BLM: variants seen among roughly 807,000 people sequenced by gnomAD.
BLM encodes the protein recQ-like DNA helicase BLM.
A neutral mutation model predicts 135.3 loss-of-function variants in BLM; 95 were observed. The observed-to-expected ratio is 0.70, with a 90% CI of 0.59 to 0.83. The LOEUF is 0.83. Among genes scored for constraint, BLM ranks in the 40% least tolerant of loss-of-function variants. BLM has a pLI of 0.00. For missense variants in BLM, 1,518 were observed against 1,663.9 expected (o/e 0.91, Z 1.53); for synonymous variants, 520 against 589.2 (o/e 0.88, Z 1.70).
At chr15:90,813,697 T>C (rs546010485) in intron 21 of BLM, among the ~76,000 whole-genome samples, 1 of 152,306 alleles carries the variant, frequency 6.6e-6, no homozygotes, top group Admixed American at 6.5e-5. Context: ...CAAGATGGGA[T>C]TCTTTTTTAA....
intron 12 of BLM, among the ~76,000 whole-genome samples, chr15:90,775,623 C>T (rs1414863514): frequency 6.6e-6 from 1 of 151,768 alleles, no homozygotes; most frequent in Non-Finnish European, 1.5e-5. Flanking sequence ...GTGATTCTCC[C>T]GCCTCAGCCT....
At chr15:90,787,036 CTTTTTTTTTTTTT>C (rs11366266) in intron 14 of BLM, among the ~76,000 whole-genome samples, 17 of 57,992 alleles carry the variant, frequency 2.9e-4, no homozygotes, top group Non-Finnish European at 4.2e-4. Flanking sequence ...TTAGGCATCT[CTTTTTTTTTTTTT>C]TTTTTTTTTT....
chr15:90,800,615 G>A (rs1406177483), intron 17 of BLM, among the ~76,000 whole-genome samples: 3 of 152,130 alleles, frequency 2.0e-5, no homozygotes, highest in Non-Finnish European at 4.4e-5. Flanking sequence ...GGGAGGCAGA[G>A]GTTGCAGTGA....
At chr15:90,746,198 G>A (rs62025112) in intron 1 of BLM, among the ~76,000 whole-genome samples, 4,287 of 152,328 alleles carry the variant, frequency 0.028, 94 homozygotes, top group South Asian at 0.05. Context: ...ACCTCAGGGT[G>A]TATGTATAGC....
At position 90,785,582 on chromosome 15, in the gene BLM, C is replaced by T. The variant is rs142027673; in HGVS notation, c.2823+501C>T. On this transcript the variant is annotated intron_variant, in intron 14 of 21. Transcript: ENST00000355112. ...TTCCGGAGACAGAGTCTCACTCTGT[C>T]GCCCAGACTACAGTGCAGTAGAGAG... 7.4e-3 allele frequency among the ~76,000 whole-genome samples: 1,100 copies of T among 149,108 alleles called. 15 individuals are homozygous for T. Among genetic ancestry groups the T allele is most frequent in the African/African-American group, 0.024 (976 of 40,414 alleles).
intron 1 of BLM, among the ~76,000 whole-genome samples, chr15:90,722,706 C>T (rs1323711724): frequency 6.6e-6 from 1 of 152,038 alleles, no homozygotes; most frequent in East Asian, 1.9e-4. Flanking sequence ...ATTGAAGACT[C>T]ATTATAAAAT....
chr15:90,767,047 A>C, intron 10 of BLM, 24 bp downstream of exon 10: 1 of 1,374,772 alleles, frequency 7.3e-7, no homozygotes. Flanking sequence ...TCATTATTTT[A>C]AAATATATTA....
intron 12 of BLM, among the ~76,000 whole-genome samples, chr15:90,779,097 G>A (rs1896555049): frequency 6.6e-6 from 1 of 152,024 alleles, no homozygotes; most frequent in African/African-American, 2.4e-5. Flanking sequence ...ATATTGGCCA[G>A]GCTGGTCTTG....
chr15:90,726,642 A>AT (rs1894925907), intron 1 of BLM, among the ~76,000 whole-genome samples: 1 of 152,158 alleles, frequency 6.6e-6, no homozygotes, highest in African/African-American at 2.4e-5. Context: ...TTTTACTTCT[A>AT]TGAGAGCAAC....
chr15:90,761,321 G>A, intron 7 of BLM, 66 bp downstream of exon 7: 1 of 1,195,214 alleles, frequency 8.4e-7, no homozygotes. Flanking sequence ...AATTATATAA[G>A]AAAAACCATA....
At chr15:90,748,117 T>C (rs1386856425) in intron 2 of BLM, among the ~76,000 whole-genome samples, 1 of 151,472 alleles carries the variant, frequency 6.6e-6, no homozygotes, top group Non-Finnish European at 1.5e-5. Flanking sequence ...TTTTTTTTTT[T>C]TCTTTTTTGA....
chr15:90,770,401 C>T (rs1180146960), intron 12 of BLM, among the ~76,000 whole-genome samples: 2 of 152,160 alleles, frequency 1.3e-5, no homozygotes, highest in Non-Finnish European at 2.9e-5. Context: ...GGGTCTCGAT[C>T]TCCTGACCTC....
chr15:90,743,550 A>T, intron 1 of BLM, among the ~76,000 whole-genome samples: 1 of 151,432 alleles, frequency 6.6e-6, no homozygotes, highest in Admixed American at 6.6e-5. Flanking sequence ...TTTTTAAGAG[A>T]TGGGGTCTCA....
At chr15:90,801,804 C>T (rs758695056) in intron 17 of BLM, among the ~76,000 whole-genome samples, 6 of 152,172 alleles carry the variant, frequency 3.9e-5, no homozygotes, top group Non-Finnish European at 2.9e-5. Flanking sequence ...GTCTGTAATT[C>T]CAGCACTTTG....
chr15:90,754,448 G>A (rs1189537619), intron 4 of BLM, among the ~76,000 whole-genome samples: 1 of 152,208 alleles, frequency 6.6e-6, no homozygotes, highest in African/African-American at 2.4e-5. Context: ...GGGGCTAGAA[G>A]AACAGGTGTG....
At chr15:90,732,714 A>G (rs1475766135) in intron 1 of BLM, among the ~76,000 whole-genome samples, 1 of 152,162 alleles carries the variant, frequency 6.6e-6, no homozygotes, top group Non-Finnish European at 1.5e-5. Flanking sequence ...AAAGAAAAAC[A>G]AGTAAATCGA....
At chr15:90,811,746 C>T (rs937864327) in intron 21 of BLM, among the ~76,000 whole-genome samples, 3 of 152,148 alleles carry the variant, frequency 2.0e-5, no homozygotes, top group Non-Finnish European at 4.4e-5. Context: ...CAACCTCTGC[C>T]TCCTGTACTC....
chr15:90,792,568 G>C (rs774728301), intron 15 of BLM, among the ~76,000 whole-genome samples: 1 of 152,116 alleles, frequency 6.6e-6, no homozygotes, highest in Non-Finnish European at 1.5e-5. Context: ...CTTCGGAAAG[G>C]TTTTGTAACT....
chr15:90,814,262 C>T (rs1322403501), intron 21 of BLM, among the ~76,000 whole-genome samples: 3 of 152,196 alleles, frequency 2.0e-5, no homozygotes, highest in East Asian at 1.9e-4. Flanking sequence ...TGACATCAGC[C>T]GGTTACAGAG....
Sources: gnomAD v4.1 joint callset for allele counts (sites outside exome capture counted in the v4.1 genomes callset) on GRCh38, gnomAD v4.1.1 for gene constraint, MANE v1.5 for transcripts, NCBI Gene and HGNC (gene_info 2026-07-23, HGNC 2026-07-21) for gene names.